PHF20: variants seen among roughly 807,000 people sequenced by gnomAD.
PHF20 encodes glioma-expressed antigen 2.
A neutral mutation model predicts 113.5 loss-of-function variants in PHF20; 23 were observed. That is an observed-to-expected ratio of 0.20 (90% CI 0.15 to 0.29). PHF20 has a LOEUF of 0.29. Among genes scored for constraint, PHF20 ranks in the 10% least tolerant of loss-of-function variants. The pLI is 1.00. For synonymous variants in PHF20, 434 were observed against 457.3 expected, an observed-to-expected ratio of 0.95 and a Z score of 0.65; for missense variants, 943 against 1,219.6, an observed-to-expected ratio of 0.77 and a Z score of 3.38.
intron 4 of PHF20, among the ~76,000 whole-genome samples, chr20:35,851,084 G>A (rs180814442): frequency 4.8e-4 from 73 of 152,244 alleles, no homozygotes; most frequent in Middle Eastern, 6.8e-3. Context: ...ACAAGGATTA[G>A]CAGAGTCAGT....
chr20:35,872,950 G>T (rs555292806), intron 9 of PHF20, among the ~76,000 whole-genome samples: 106 of 152,086 alleles, frequency 7.0e-4, no homozygotes, highest in African/African-American at 1.9e-3. Flanking sequence ...TTTTTGTGGG[G>T]TTTTTTTCCT....
intron 9 of PHF20, among the ~76,000 whole-genome samples, chr20:35,897,776 C>T (rs2055015293): frequency 6.6e-6 from 1 of 151,726 alleles, no homozygotes; most frequent in Non-Finnish European, 1.5e-5. Context: ...ACCATGTTAG[C>T]CAGGATGGTC....
intron 9 of PHF20, among the ~76,000 whole-genome samples, chr20:35,891,583 C>G (rs1328606506): frequency 6.6e-6 from 1 of 152,076 alleles, no homozygotes; most frequent in East Asian, 1.9e-4. Context: ...GAAGGATGAG[C>G]AAGACTTGGT....
At chr20:35,781,248 A>AT (rs916857595) in intron 1 of PHF20, among the ~76,000 whole-genome samples, 5 of 151,104 alleles carry the variant, frequency 3.3e-5, no homozygotes, top group African/African-American at 1.2e-4. Flanking sequence ...GGTTCAAGTG[A>AT]TTCTCATGCC....
chr20:35,899,786 C>A, intron 10 of PHF20, 138 bp downstream of exon 10: 2 of 902,792 alleles, frequency 2.2e-6, no homozygotes, highest in Non-Finnish European at 3.4e-6. Flanking sequence ...ATTAAGTGAT[C>A]CTCTGGGCTG....
At chr20:35,935,636 G>A (rs959840577) in intron 15 of PHF20, among the ~76,000 whole-genome samples, 2 of 152,176 alleles carry the variant, frequency 1.3e-5, no homozygotes, top group Non-Finnish European at 2.9e-5. Flanking sequence ...TAAAGTGCTG[G>A]GATTACAGGC....
At chr20:35,849,705 G>A (rs927743266) in intron 4 of PHF20, among the ~76,000 whole-genome samples, 6 of 152,084 alleles carry the variant, frequency 3.9e-5, no homozygotes, top group African/African-American at 1.4e-4. Flanking sequence ...AGGTTCATTC[G>A]TAGCAGTGGC....
intron 1 of PHF20, among the ~76,000 whole-genome samples, chr20:35,792,616 G>A (rs899693311): frequency 4.0e-5 from 6 of 151,552 alleles, no homozygotes; most frequent in Non-Finnish European, 8.8e-5. Flanking sequence ...CTTTCTTCTA[G>A]TGTGACCTGG....
At chr20:35,811,915 C>T (rs1366324138) in intron 2 of PHF20, among the ~76,000 whole-genome samples, 3 of 151,872 alleles carry the variant, frequency 2.0e-5, no homozygotes, top group African/African-American at 4.8e-5. Flanking sequence ...GGACTACAGG[C>T]ACCCGCCACC....
intron 13 of PHF20, among the ~76,000 whole-genome samples, chr20:35,918,108 C>T (rs959337541): frequency 2.6e-5 from 4 of 152,090 alleles, no homozygotes; most frequent in African/African-American, 7.2e-5. Flanking sequence ...ATTTTCCTGA[C>T]ATTTGAGTCT....
At chr20:35,798,581 G>C (rs2041715307) in intron 1 of PHF20, among the ~76,000 whole-genome samples, 1 of 150,766 alleles carries the variant, frequency 6.6e-6, no homozygotes, top group African/African-American at 2.4e-5. Flanking sequence ...CAGCCTCCCA[G>C]GTAGCTGGAA....
chr20:35,881,254 C>T (rs2054627694), intron 9 of PHF20, among the ~76,000 whole-genome samples: 1 of 151,782 alleles, frequency 6.6e-6, no homozygotes, highest in Admixed American at 6.6e-5. Flanking sequence ...GGCTGGGTTT[C>T]ACCATGTTGG....
intron 9 of PHF20, among the ~76,000 whole-genome samples, chr20:35,893,913 G>A (rs559816057): frequency 8.4e-4 from 128 of 152,302 alleles, no homozygotes; most frequent in African/African-American, 3.0e-3. Context: ...ACTGTGCCCC[G>A]CCAACATGTA....
At chr20:35,810,292 T>C (rs1040576572) in intron 2 of PHF20, among the ~76,000 whole-genome samples, 2 of 152,166 alleles carry the variant, frequency 1.3e-5, no homozygotes, top group Non-Finnish European at 2.9e-5. Context: ...ACGGACTGGA[T>C]TGAGAACCTC....
chr20:35,774,311 T>G (rs1006561078), intron 1 of PHF20, among the ~76,000 whole-genome samples: 1 of 152,076 alleles, frequency 6.6e-6, no homozygotes, highest in Non-Finnish European at 1.5e-5. Context: ...GACCTCGTGA[T>G]CCACCCGCCT....
At chr20:35,781,544 A>G (rs968304132) in intron 1 of PHF20, among the ~76,000 whole-genome samples, 4 of 152,182 alleles carry the variant, frequency 2.6e-5, no homozygotes, top group African/African-American at 9.7e-5. Flanking sequence ...GGTCAGATAC[A>G]CATAATATAA....
chr20:35,928,850 G>A (rs2055696581), intron 14 of PHF20, among the ~76,000 whole-genome samples: 1 of 152,176 alleles, frequency 6.6e-6, no homozygotes, highest in Non-Finnish European at 1.5e-5. Context: ...GGAAGGCATG[G>A]TTGGGTAGAG....
In PHF20 at chr20:35,948,963, T is replaced by A. The variant is rs2056132008; in HGVS notation, c.*1336T>A. ...TAAACGTGAAGTAGCCAATAATATC[T>A]CAATAGTAGTAACAGTATCTTTAGC... On this transcript the variant is annotated 3_prime_UTR_variant, in exon 18 of 18. Coordinates refer to ENST00000374012, the MANE Select transcript of PHF20 (RefSeq NM_016436.5). 6.6e-6 allele frequency: 1 copy of A among 152,670 alleles called. No individual in the cohort carries two copies. Among genetic ancestry groups the A allele is most frequent in the Non-Finnish European group, 1.5e-5 (1 of 68,046 alleles). The allele number at this position is 152,670 out of a possible 1,614,324, so 9.5% of individuals were successfully genotyped here. A position where few individuals can be genotyped will look rare whatever the true frequency, so the allele number is the denominator to read the frequency against.
intron 9 of PHF20, among the ~76,000 whole-genome samples, chr20:35,884,451 G>GAT (rs2054689740): frequency 6.6e-6 from 1 of 152,174 alleles, no homozygotes; most frequent in Non-Finnish European, 1.5e-5. Context: ...TGTGGAATGA[G>GAT]TGCTCAGTGA....
Sources: gnomAD v4.1 joint callset for allele counts (sites outside exome capture counted in the v4.1 genomes callset) on GRCh38, gnomAD v4.1.1 for gene constraint, MANE v1.5 for transcripts, NCBI Gene and HGNC (gene_info 2026-07-23, HGNC 2026-07-21) for gene names.